The following PODXL variants were observed in gnomAD, a reference collection of about 807,000 sequenced individuals.
The protein encoded by PODXL is podocalyxin.
A neutral mutation model predicts 48.9 loss-of-function variants in PODXL; 20 were observed. The ratio of observed to expected loss-of-function variants is 0.41; its 90% confidence interval spans 0.29 to 0.59. PODXL has a LOEUF of 0.59. PODXL is among the 20% of genes least tolerant of loss of function. The probability of loss-of-function intolerance (pLI) is 0.31; values close to 1 mark genes in which losing one functional copy is unlikely to be tolerated. For missense variants in PODXL, 606 were observed against 675.1 expected, an observed-to-expected ratio of 0.90 and a Z score of 1.13; for synonymous variants, 295 against 287.4, an observed-to-expected ratio of 1.03 and a Z score of -0.27.
At chr7:131,544,713 G>A (rs1466203060) in intron 1 of PODXL, among the ~76,000 whole-genome samples, 2 of 152,174 alleles carry the variant, frequency 1.3e-5, no homozygotes, top group Non-Finnish European at 2.9e-5. Context: ...ATGCAGGACT[G>A]CATCTGGCTG....
At chr7:131,553,914 C>T (rs1385009687) in intron 1 of PODXL, among the ~76,000 whole-genome samples, 1 of 152,160 alleles carries the variant, frequency 6.6e-6, no homozygotes, top group Non-Finnish European at 1.5e-5. Context: ...AACCAAAAAG[C>T]ACTGAAAGGG....
chr7:131,539,686 G>A (rs1302519473), intron 1 of PODXL, among the ~76,000 whole-genome samples: 2 of 152,338 alleles, frequency 1.3e-5, no homozygotes, highest in African/African-American at 4.8e-5. Context: ...TACTGAGGGC[G>A]GGGCTGGAAG....
At chr7:131,531,091 C>G (rs970451316) in intron 1 of PODXL, among the ~76,000 whole-genome samples, 1 of 152,132 alleles carries the variant, frequency 6.6e-6, no homozygotes, top group Non-Finnish European at 1.5e-5. Context: ...GCTTAATTCC[C>G]TGCCCCAGCG....
intron 1 of PODXL, among the ~76,000 whole-genome samples, chr7:131,537,012 C>T (rs935632818): frequency 6.6e-6 from 1 of 152,198 alleles, no homozygotes; most frequent in Non-Finnish European, 1.5e-5. Context: ...GTAGTCCCAG[C>T]TCCTCAGGAG....
rs543890242 is a variant in PODXL at position 131,523,796 on chromosome 7, C to T, written c.101-12363G>A. On this transcript the variant is annotated intron_variant, in intron 1 of 8. Coordinates refer to ENST00000378555, the MANE Select transcript of PODXL (RefSeq NM_001018111.3). ...TTATATTTGCAGAAAAATCATCTAA[C>T]AAATTTTTTTTTTTTTGAGATGGAG... 2.1e-5 allele frequency among the ~76,000 whole-genome samples: 3 copies of T among 140,746 alleles called. No individual in the cohort carries two copies. In the South Asian group the frequency reaches 6.7e-4, roughly 31 times the overall value. The allele number at this position is 140,746 out of a possible 152,430, so 92.3% of individuals were successfully genotyped here. A position where few individuals can be genotyped will look rare whatever the true frequency, so the allele number is the denominator to read the frequency against.
rs1035466943 is a variant in PODXL, at chr7:131,520,337, A to T, written c.101-8904T>A. ...AGATGTGCGCATTGATACCAGGCTC[A>T]TCAAAGCTGTCTGGGCCAAAGGAAT... On this transcript the variant is annotated intron_variant, in intron 1 of 8. Transcript: ENST00000378555. 1.1e-5 allele frequency: 6 copies of T among 526,962 alleles called. No homozygotes were observed. The Admixed American group carries it at 1.2e-4, about 11-fold the overall frequency. 32.6% of individuals were successfully genotyped at this position (526,962 alleles called of 1,614,324 possible).
chr7:131,523,674 GT>G (rs1202242174), intron 1 of PODXL, among the ~76,000 whole-genome samples: 1 of 33,550 alleles, frequency 3.0e-5, no homozygotes, highest in Non-Finnish European at 6.8e-5. Context: ...GCGAGAATCC[GT>G]CTCAAAAAAA....
Position 131,506,615 on chromosome 7 carries a change from T to C in PODXL, c.1213A>G (p.Ser405Gly). ...ATTTCTTTGACGACCACGGTCTGACTTCCTGGAACAGATGCCAGCCGTATG... is the reference window on the plus strand; with the variant it reads ...ATTTCTTTGACGACCACGGTCTGACCTCCTGGAACAGATGCCAGCCGTATG... The part of the protein sequence containing the change: ...CGIRLASVPG[S>G]QTVVVKEITI... Residue 405 changes from serine (S) to glycine (G), a missense_variant, in exon 6 of 9, where the codon AGT (serine) becomes GGT (glycine). Coordinates refer to ENST00000378555, the MANE Select transcript of PODXL (RefSeq NM_001018111.3). 6.2e-7 allele frequency: 1 copy of C among 1,614,208 alleles called. No individual in the cohort carries two copies. Among genetic ancestry groups the C allele is most frequent in the Non-Finnish European group, 8.5e-7 (1 of 1,180,034 alleles).
At chr7:131,531,260 G>A (rs977160062) in intron 1 of PODXL, among the ~76,000 whole-genome samples, 4 of 152,070 alleles carry the variant, frequency 2.6e-5, no homozygotes, top group African/African-American at 4.8e-5. Context: ...ATATCCAGCC[G>A]CTTATAAACA....
intron 2 of PODXL, among the ~76,000 whole-genome samples, 167 bp downstream of exon 2, chr7:131,510,661 A>C (rs533480818): frequency 6.6e-6 from 1 of 152,006 alleles, no homozygotes; most frequent in Non-Finnish European, 1.5e-5. Context: ...TAGTAGAGAC[A>C]GGGTTTCGCC....
In PODXL at chr7:131,501,088, G is replaced by C. The variant is rs1247812560; in HGVS notation, c.*3223C>G. 1 of 152,218 alleles carries C rather than the reference G, an allele frequency of 6.6e-6. No individual in the cohort carries two copies. The highest frequency in any genetic ancestry group is 1.5e-5 in the Non-Finnish European group (1 of 67,990). 9.4% of individuals were successfully genotyped at this position (152,218 alleles called of 1,614,324 possible). ...TGTGACTTTGCTGGGGAGGGGGCAGGGTTGCATTTTAAAATTAAAAAAACA... is the reference window on the plus strand; with the variant it reads ...TGTGACTTTGCTGGGGAGGGGGCAGCGTTGCATTTTAAAATTAAAAAAACA... On this transcript the variant is annotated 3_prime_UTR_variant, in exon 9 of 9. Coordinates refer to ENST00000378555, the MANE Select transcript of PODXL (RefSeq NM_001018111.3).
intron 1 of PODXL, among the ~76,000 whole-genome samples, chr7:131,516,178 G>A (rs557799253): frequency 1.3e-5 from 2 of 152,278 alleles, no homozygotes; most frequent in South Asian, 4.1e-4. Flanking sequence ...CTGAAACCTG[G>A]ACTCAATGGA....
chr7:131,521,498 C>A (rs113326594), intron 1 of PODXL, among the ~76,000 whole-genome samples: 1 of 151,926 alleles, frequency 6.6e-6, no homozygotes, highest in African/African-American at 2.4e-5. Flanking sequence ...TGCACCACCA[C>A]GCCCGGTTGT....
At chr7:131,555,691 C>A (rs1032823554) in intron 1 of PODXL, among the ~76,000 whole-genome samples, 4 of 152,224 alleles carry the variant, frequency 2.6e-5, no homozygotes, top group Non-Finnish European at 5.9e-5. Flanking sequence ...CGACTCTGTA[C>A]CTGCCCCAGC....
intron 1 of PODXL, among the ~76,000 whole-genome samples, chr7:131,514,745 C>T (rs539919562): frequency 6.6e-5 from 10 of 152,026 alleles, no homozygotes; most frequent in South Asian, 4.1e-4. Context: ...TAGCTGAGAC[C>T]ACAAGCACGC....
chr7:131,536,502 TTACAC>T (rs1413154601), intron 1 of PODXL, among the ~76,000 whole-genome samples: 1 of 151,988 alleles, frequency 6.6e-6, no homozygotes, highest in African/African-American at 2.4e-5. Flanking sequence ...AGGATGGTGC[TTACAC>T]CCTCGGGCCA....
At chr7:131,522,976 T>G (rs1488669087) in intron 1 of PODXL, among the ~76,000 whole-genome samples, 1 of 152,256 alleles carries the variant, frequency 6.6e-6, no homozygotes, top group African/African-American at 2.4e-5. Context: ...TTATGCATAA[T>G]GCTGCTATGA....
chr7:131,536,125 G>C (rs957501107), intron 1 of PODXL, among the ~76,000 whole-genome samples: 13 of 152,122 alleles, frequency 8.5e-5, no homozygotes, highest in Non-Finnish European at 1.3e-4. Context: ...CCTGACAAGT[G>C]TCACTTGTAC....
At chr7:131,554,271 A>G (rs773225278) in intron 1 of PODXL, among the ~76,000 whole-genome samples, 1 of 152,134 alleles carries the variant, frequency 6.6e-6, no homozygotes, top group Non-Finnish European at 1.5e-5. Flanking sequence ...CATGCCCCCC[A>G]CAAGCCTTTT....
Sources: gnomAD v4.1 joint callset for allele counts (sites outside exome capture counted in the v4.1 genomes callset) on GRCh38, gnomAD v4.1.1 for gene constraint, MANE v1.5 for transcripts, NCBI Gene and HGNC (gene_info 2026-07-23, HGNC 2026-07-21) for gene names.